SH2D3C: variants seen among roughly 807,000 people sequenced by gnomAD.
SH2D3C encodes SH2 domain containing 3C.
SH2D3C carries 25 observed loss-of-function variants against 75.2 expected under a neutral mutation model. The observed-to-expected ratio is 0.33, with a 90% CI of 0.24 to 0.46. SH2D3C has a LOEUF of 0.46. Ranked by LOEUF, SH2D3C falls within the 20% of genes least tolerant of loss-of-function variation. The pLI, the probability that SH2D3C is intolerant of heterozygous loss-of-function variation, is 1.00. For missense variants in SH2D3C, 933 were observed against 1,165.3 expected (o/e 0.80, Z 2.90); for synonymous variants, 450 against 473.7 (o/e 0.95, Z 0.65).
chr9:127,746,624 G>T (rs946305560), intron 6 of SH2D3C, among the ~76,000 whole-genome samples: 1 of 152,076 alleles, frequency 6.6e-6, no homozygotes, highest in African/African-American at 2.4e-5. Context: ...CCAACATGGT[G>T]AAACCCCATC....
rs1379665611 is a variant in SH2D3C at position 127,749,407 on chromosome 9, T to A, written c.943A>T (p.Ile315Phe). 1.2e-6 allele frequency: 2 copies of A among 1,614,054 alleles called. No individual in the cohort carries two copies. The highest frequency in any genetic ancestry group is 1.7e-6 in the Non-Finnish European group (2 of 1,180,042). Residue 315 changes from isoleucine to phenylalanine, a missense_variant, in exon 5 of 12, where the codon ATC becomes TTC. Transcript: ENST00000314830. This position sits in a 1 kb window ranked among gnomAD's most constrained non-coding sequence, Gnocchi z 5.9. The stretch of plus-strand genomic sequence containing the variant: ...AAGGTGCGGTTCACCGGGCAGTAGA[T>A]GATGGCACCACTCTGCTCTGACACA... ...KAVSEQSGAIIYCPVNRTFPL... is the reference protein window; with the variant it reads ...KAVSEQSGAIFYCPVNRTFPL...
At position 127,757,587 on chromosome 9, in the gene SH2D3C, T is replaced by A. The variant is rs182964004; in HGVS notation, c.555+4024A>T. Among the ~76,000 whole-genome samples the A allele has an allele frequency of 4.3e-3, 641 of 149,704 alleles. 9 individuals carry two copies. In the East Asian group the frequency reaches 0.056, roughly 13 times the overall value. ...CTCTGAGTAGCTGGGATTACAGGCA[T>A]GCACCACCATACCCAGATGATGATG... On this transcript the variant is annotated intron_variant, in intron 3 of 11. Coordinates refer to ENST00000314830, the MANE Select transcript of SH2D3C (RefSeq NM_170600.3).
Position 127,741,780 on chromosome 9 carries a change from C to CCTGA in SH2D3C, c.2088+7_2088+8insTCAG, listed in dbSNP as rs1302558666. 2 of 1,612,460 alleles carry CCTGA rather than the reference C, an allele frequency of 1.2e-6. No individual in the cohort carries two copies. The highest frequency in any genetic ancestry group is 2.7e-5 in the African/African-American group (2 of 74,930). On this transcript the variant is annotated splice_region_variant and intron_variant, in intron 9 of 11. Coordinates refer to ENST00000314830, the MANE Select transcript of SH2D3C (RefSeq NM_170600.3). ...TACCGGGTGCCAGCTCTGCGCGGCT[C>CCTGA]TCAGTACCTGGGCCATGTCCAGGGC...
At position 127,740,288 on chromosome 9, in the gene SH2D3C, G is replaced by A; in HGVS notation, c.2170C>T (p.Pro724Ser). The A allele has an allele frequency of 6.2e-7, 1 of 1,614,132 alleles. No individual in the cohort carries two copies. The highest frequency in any genetic ancestry group is 8.5e-7 in the Non-Finnish European group (1 of 1,180,002). The change falls in exon 10 of 12, where the codon CCT becomes TCT. Residue 724 changes from proline to serine, a missense_variant. By Grantham distance (74) the Pro-to-Ser change is moderately conservative. Transcript: ENST00000314830. The part of the protein sequence containing the change: ...GAILYEKKLK[P>S]FLKSLNEGKE... The stretch of plus-strand genomic sequence containing the variant: ...CCCTCGTTGAGGCTCTTGAGAAAAG[G>A]CTTGAGCTTCTTCTCGTACAGGATG...
chr9:127,771,262 G>T (rs1308759842), intron 2 of SH2D3C: 1 of 1,540,232 alleles, frequency 6.5e-7, no homozygotes, highest in Admixed American at 2.0e-5. Flanking sequence ...GCAACCCGGG[G>T]ACCTCCTAAA....
chr9:127,748,993 C>T (rs533634116), intron 5 of SH2D3C, among the ~76,000 whole-genome samples: 7 of 152,114 alleles, frequency 4.6e-5, no homozygotes, highest in African/African-American at 7.2e-5. Flanking sequence ...ACATGGCCAG[C>T]GAGTGGCAGA....
Position 127,744,696 on chromosome 9 carries a change from G to A in SH2D3C, c.1668C>T (p.Ala556=). The change falls in exon 7 of 12, where the codon GCC becomes GCT. Residue 556 remains alanine, a synonymous_variant. Transcript: ENST00000314830. ...TGGGGATCAGTAGTGACTGGAAGGT[G>A]GCCGGGTTGAAGGAAGAAGTGACTT... ...IVEVTSSFNP[A]TFQSLLIPRD... 1 of 1,614,232 alleles carries A rather than the reference G, an allele frequency of 6.2e-7. No homozygotes were observed. The highest frequency in any genetic ancestry group is 8.5e-7 in the Non-Finnish European group (1 of 1,180,036).
chr9:127,754,724 C>T lies in SH2D3C; in HGVS notation c.556-3424G>A. ...CAATGGGGAGCCAGGGTGCCCAGGT[C>T]AGCCGCAAGGGCCAGCGTACCAGGC... On this transcript the variant is annotated intron_variant, in intron 3 of 11. Coordinates refer to ENST00000314830, the MANE Select transcript of SH2D3C (RefSeq NM_170600.3). This position sits in a 1 kb window ranked among gnomAD's most constrained non-coding sequence, Gnocchi z 4.4. 1 of 423,184 alleles carries T rather than the reference C, an allele frequency of 2.4e-6. No homozygotes were observed. The highest frequency in any genetic ancestry group is 5.0e-6 in the Non-Finnish European group (1 of 198,462). 26.2% of individuals were successfully genotyped at this position (423,184 alleles called of 1,614,324 possible).
At chr9:127,775,746 G>T (rs1411522237) in intron 1 of SH2D3C, among the ~76,000 whole-genome samples, 2 of 152,120 alleles carry the variant, frequency 1.3e-5, no homozygotes, top group African/African-American at 2.4e-5. Context: ...GGAGTTCAAG[G>T]TTGCCGTGCA....
intron 2 of SH2D3C, chr9:127,762,039 A>AC: frequency 1.8e-5 from 4 of 222,900 alleles, no homozygotes; most frequent in South Asian, 5.6e-5. Context: ...TGCCTTCCCT[A>AC]CCCCCTCCTC....
intron 5 of SH2D3C, 73 bp from the exon 6 acceptor site, chr9:127,747,344 C>G: frequency 2.1e-6 from 3 of 1,416,734 alleles, no homozygotes; most frequent in Non-Finnish European, 2.9e-6. Context: ...GGACCCCCCA[C>G]CTCTGCACCT....
At position 127,740,321 on chromosome 9, in the gene SH2D3C, C is replaced by G. The variant is rs1844817102; in HGVS notation, c.2137G>C (p.Glu713Gln). The G allele has an allele frequency of 6.2e-7, 1 of 1,614,170 alleles. No individual in the cohort carries two copies. Among genetic ancestry groups the G allele is most frequent in the Non-Finnish European group, 8.5e-7 (1 of 1,180,028 alleles). The change falls in exon 10 of 12, where the codon GAG becomes CAG. Residue 713 changes from glutamate (E) to glutamine (Q), a missense_variant. Coordinates refer to ENST00000314830, the MANE Select transcript of SH2D3C (RefSeq NM_170600.3). The stretch of plus-strand genomic sequence containing the variant: ...TTCTTCTCGTACAGGATGGCACCCT[C>G]TGTGTGTCGCTGCCGCAGGGTCACC... ...TWVTLRQRHT[E>Q]GAILYEKKLK... is the part of the protein sequence containing the mutation.
rs1458323870 is a variant in SH2D3C, at chr9:127,751,401, C to T, written c.556-101G>A. ...TGGATGAACTCCTCCTATCCTGGGA[C>T]TCTGGGAACACTAAGGCACAGGTGC... On this transcript the variant is annotated intron_variant, in intron 3 of 11. Coordinates refer to ENST00000314830, the MANE Select transcript of SH2D3C (RefSeq NM_170600.3). This position sits in a 1 kb window ranked among gnomAD's most constrained non-coding sequence, Gnocchi z 4.1. The T allele has an allele frequency of 8.4e-7, 1 of 1,185,588 alleles. No homozygotes were observed. Among genetic ancestry groups the T allele is most frequent in the Non-Finnish European group, 1.2e-6 (1 of 815,418 alleles). The allele number at this position is 1,185,588 out of a possible 1,614,324, so 73.4% of individuals were successfully genotyped here. A position where few individuals can be genotyped will look rare whatever the true frequency, so the allele number is the denominator to read the frequency against.
chr9:127,742,289 T>C (rs1406047662), intron 8 of SH2D3C, among the ~76,000 whole-genome samples: 1 of 152,178 alleles, frequency 6.6e-6, no homozygotes, highest in Non-Finnish European at 1.5e-5. Context: ...CAGTCTGGAG[T>C]GCAATGGCGC....
intron 2 of SH2D3C, among the ~76,000 whole-genome samples, chr9:127,768,838 C>A (rs2131805001): frequency 7.1e-6 from 1 of 140,420 alleles, no homozygotes; most frequent in Non-Finnish European, 1.5e-5. Context: ...GTTCCCCAAA[C>A]ATGCCACGTC....
intron 2 of SH2D3C, chr9:127,771,150 C>CGGGGA (rs1351631514): frequency 6.7e-7 from 1 of 1,496,262 alleles, no homozygotes; most frequent in African/African-American, 1.4e-5. Context: ...CTCCTGCTCC[C>CGGGGA]CGCTGGCCCT....
At chr9:127,761,743 C>A in intron 2 of SH2D3C, 93 bp from the exon 3 acceptor site, 2 of 999,400 alleles carry the variant, frequency 2.0e-6, no homozygotes, top group Non-Finnish European at 1.5e-6. Flanking sequence ...AGCACCTGGC[C>A]CTTAGGACCC....
intron 3 of SH2D3C, among the ~76,000 whole-genome samples, chr9:127,759,577 G>A (rs776752023): frequency 2.0e-5 from 3 of 152,310 alleles, no homozygotes; most frequent in Non-Finnish European, 4.4e-5. Flanking sequence ...TGCTGGGCAT[G>A]GTCACTCGTG....
intron 2 of SH2D3C, among the ~76,000 whole-genome samples, chr9:127,769,985 T>C (rs117929733): frequency 0.01 from 1,526 of 152,188 alleles, 13 homozygotes; most frequent in South Asian, 0.04. Context: ...ACAATTCCAG[T>C]GTGGGTAGGC....
Sources: gnomAD v4.1 joint callset for allele counts (sites outside exome capture counted in the v4.1 genomes callset) on GRCh38, gnomAD v4.1.1 for gene constraint, Gnocchi (gnomAD v3.1) non-coding constraint, MANE v1.5 for transcripts, NCBI Gene and HGNC (gene_info 2026-07-23, HGNC 2026-07-21) for gene names.